FAM219A: variants seen among roughly 807,000 people sequenced by gnomAD.
FAM219A encodes family with sequence similarity 219 member A.
FAM219A carries 7 observed loss-of-function variants against 23.4 expected under a neutral mutation model. The ratio of observed to expected loss-of-function variants is 0.30; its 90% confidence interval spans 0.17 to 0.56. The LOEUF (loss-of-function observed/expected upper bound fraction) is 0.56, where lower values mean the gene tolerates loss of function less well. Ranked by LOEUF, FAM219A falls within the 20% of genes least tolerant of loss-of-function variation. FAM219A has a pLI of 0.92. For missense variants in FAM219A, 166 were observed against 246.9 expected (o/e 0.67, Z 2.20); for synonymous variants, 93 against 99.0 (o/e 0.94, Z 0.36).
rs746037858 is a variant in FAM219A at position 34,457,186 on chromosome 9, A to G, written c.60+1018T>C. ...ATTCCAGCTCAGGCTCCAGGGGGAT[A>G]AAGCGAACACAGCCTAGACATTCCC... is the stretch of plus-strand genomic sequence containing the variant. On this transcript the variant is annotated intron_variant, in intron 1 of 5. Transcript: ENST00000651358. This position sits in a 1 kb window ranked among gnomAD's most constrained non-coding sequence, Gnocchi z 5.1. Among the ~76,000 whole-genome samples the G allele has an allele frequency of 1.3e-5, 2 of 152,200 alleles. No homozygotes were observed. Among genetic ancestry groups the G allele is most frequent in the Non-Finnish European group, 2.9e-5 (2 of 68,030 alleles).
At chr9:34,451,797 T>A (rs1367017028) in intron 1 of FAM219A, among the ~76,000 whole-genome samples, 1 of 152,178 alleles carries the variant, frequency 6.6e-6, no homozygotes, top group African/African-American at 2.4e-5. Context: ...TTCTGCTCCT[T>A]TGGTACACCT....
At chr9:34,412,621 G>A (rs1421377326) in intron 1 of FAM219A, among the ~76,000 whole-genome samples, 2 of 146,638 alleles carry the variant, frequency 1.4e-5, no homozygotes, top group South Asian at 2.1e-4. Context: ...AAAAACCAAG[G>A]GTGAAGTTCT....
At chr9:34,432,014 C>T (rs528740615) in intron 1 of FAM219A, among the ~76,000 whole-genome samples, 101 of 152,342 alleles carry the variant, frequency 6.6e-4, no homozygotes, top group African/African-American at 2.2e-3. Flanking sequence ...TTTCTAATCT[C>T]TCTGGGTCTC....
chr9:34,435,203 G>C (rs1822857745), intron 1 of FAM219A, among the ~76,000 whole-genome samples: 1 of 152,188 alleles, frequency 6.6e-6, no homozygotes, highest in Non-Finnish European at 1.5e-5. Flanking sequence ...AAGGAATTGG[G>C]AAGATGTGAG....
At chr9:34,456,546 T>G (rs1353776151) in intron 1 of FAM219A, among the ~76,000 whole-genome samples, 2 of 152,236 alleles carry the variant, frequency 1.3e-5, no homozygotes, top group Non-Finnish European at 2.9e-5. Flanking sequence ...TCATCCACCC[T>G]CTATTTTGAT....
intron 1 of FAM219A, among the ~76,000 whole-genome samples, chr9:34,447,101 T>G (rs1190731527): frequency 6.6e-6 from 1 of 152,224 alleles, no homozygotes; most frequent in Non-Finnish European, 1.5e-5. Flanking sequence ...GCTACCTTTC[T>G]GAGAATAAGA....
chr9:34,419,126 GTAACTT>G (rs924221944), intron 1 of FAM219A, among the ~76,000 whole-genome samples: 1 of 152,014 alleles, frequency 6.6e-6, no homozygotes, highest in Admixed American at 6.6e-5. Context: ...GGTTAAAATG[GTAACTT>G]TTATGTTATG....
At chr9:34,449,867 GA>G (rs1351928371) in intron 1 of FAM219A, among the ~76,000 whole-genome samples, 1 of 152,182 alleles carries the variant, frequency 6.6e-6, no homozygotes, top group Non-Finnish European at 1.5e-5. Flanking sequence ...CTTTCCCAAA[GA>G]AATTTTTCTA....
chr9:34,437,975 T>G (rs1418265152), intron 1 of FAM219A, among the ~76,000 whole-genome samples: 1 of 152,188 alleles, frequency 6.6e-6, no homozygotes, highest in African/African-American at 2.4e-5. Context: ...GCGGGCCACC[T>G]GGAGTTCCGA....
At chr9:34,416,382 T>C (rs750949699) in intron 1 of FAM219A, among the ~76,000 whole-genome samples, 1 of 151,978 alleles carries the variant, frequency 6.6e-6, no homozygotes, top group African/African-American at 2.4e-5. Flanking sequence ...CTGTTCTCTT[T>C]CTTAGCTTCA....
At chr9:34,455,361 C>G (rs1401186773) in intron 1 of FAM219A, among the ~76,000 whole-genome samples, 1 of 151,988 alleles carries the variant, frequency 6.6e-6, no homozygotes, top group Non-Finnish European at 1.5e-5. Context: ...TAGGTCATAG[C>G]TAAGTCTGAG....
rs1823844018 is a variant in FAM219A, at chr9:34,458,332, CGGCCCCAGGAGCCCGGCGG to C, written c.-88_-70del. 1 of 1,167,918 alleles carries C rather than the reference CGGCCCCAGGAGCCCGGCGG, an allele frequency of 8.6e-7. No individual in the cohort carries two copies. The highest frequency in any genetic ancestry group is 4.0e-5 in the South Asian group (1 of 24,766). The allele number at this position is 1,167,918 out of a possible 1,614,324, so 72.3% of individuals were successfully genotyped here. On this transcript the variant is annotated 5_prime_UTR_variant, in exon 1 of 6. Coordinates refer to ENST00000651358, the MANE Select transcript of FAM219A (RefSeq NM_001184940.2). The surrounding 1 kb of genome is among the most constrained non-coding windows in gnomAD (Gnocchi z 6.6). ...ACGCCGACAGGACCGCGCGGGGCGGCGGCCCCAGGAGCCCGGCGGGTGGTGCAGACTAGGCCTCCCCGGA... is the reference window on the plus strand; with the variant it reads ...ACGCCGACAGGACCGCGCGGGGCGGCGTGGTGCAGACTAGGCCTCCCCGGA...
chr9:34,446,399 G>T (rs1169142845), intron 1 of FAM219A, among the ~76,000 whole-genome samples: 1 of 152,170 alleles, frequency 6.6e-6, no homozygotes, highest in Non-Finnish European at 1.5e-5. Flanking sequence ...AACTAGAAAA[G>T]TGCTGCTTGT....
In FAM219A at chr9:34,457,223, C is replaced by A. The variant is rs1475012917; in HGVS notation, c.60+981G>T. Among the ~76,000 whole-genome samples the A allele has an allele frequency of 6.6e-6, 1 of 152,214 alleles. No individual in the cohort carries two copies. The highest frequency in any genetic ancestry group is 1.5e-5 in the Non-Finnish European group (1 of 68,026). ...GCCTAGACATTCCCTCTCTTCCCCC[C>A]TCACTATACGAGCTGGCTAGGCCTC... On this transcript the variant is annotated intron_variant, in intron 1 of 5. Coordinates refer to ENST00000651358, the MANE Select transcript of FAM219A (RefSeq NM_001184940.2). This position sits in a 1 kb window ranked among gnomAD's most constrained non-coding sequence, Gnocchi z 5.1.
At chr9:34,416,808 ATTTTTTTTT>A (rs781741211) in intron 1 of FAM219A, among the ~76,000 whole-genome samples, 1 of 113,640 alleles carries the variant, frequency 8.8e-6, no homozygotes, top group Non-Finnish European at 1.7e-5. Flanking sequence ...TCAGCTCTCC[ATTTTTTTTT>A]TTTTTTTTTT....
At position 34,450,546 on chromosome 9, in the gene FAM219A, G is replaced by C. The variant is rs548558139; in HGVS notation, c.60+7658C>G. On this transcript the variant is annotated intron_variant, in intron 1 of 5. Coordinates refer to ENST00000651358, the MANE Select transcript of FAM219A (RefSeq NM_001184940.2). The stretch of plus-strand genomic sequence containing the variant: ...GCAATTTTCTGCCTCAGCCTCCCGA[G>C]TAGCTGGGATTACAGGTGGCCACCA... Among the ~76,000 whole-genome samples, 6 of 152,060 alleles carry C rather than the reference G, an allele frequency of 3.9e-5. No individual in the cohort carries two copies. In the East Asian group the frequency reaches 1.2e-3, roughly 30 times the overall value.
chr9:34,417,203 T>C lies in FAM219A; in HGVS notation c.61-11239A>G, dbSNP rs1223201092. Among the ~76,000 whole-genome samples, 6 of 151,980 alleles carry C rather than the reference T, an allele frequency of 3.9e-5. No homozygotes were observed. In the East Asian group the frequency reaches 1.2e-3, roughly 29 times the overall value. Reference sequence around the variant, plus strand: ...CTGGGATTACAGGCATGCACAACCATATCTGGCTAATTTTTGTATTTTTAG... The same window carrying C: ...CTGGGATTACAGGCATGCACAACCACATCTGGCTAATTTTTGTATTTTTAG... On this transcript the variant is annotated intron_variant, in intron 1 of 5. Coordinates refer to ENST00000651358, the MANE Select transcript of FAM219A (RefSeq NM_001184940.2). This position sits in a 1 kb window ranked among gnomAD's most constrained non-coding sequence, Gnocchi z 4.1.
At chr9:34,435,128 A>T (rs1822855580) in intron 1 of FAM219A, among the ~76,000 whole-genome samples, 1 of 152,096 alleles carries the variant, frequency 6.6e-6, no homozygotes, top group Non-Finnish European at 1.5e-5. Flanking sequence ...GCCAGTGTTG[A>T]TGATTTTCTG....
At position 34,458,181 on chromosome 9, in the gene FAM219A, C is replaced by T. The variant is rs1164647652; in HGVS notation, c.60+23G>A. On this transcript the variant is annotated intron_variant, in intron 1 of 5. Transcript: ENST00000651358. This position sits in a 1 kb window ranked among gnomAD's most constrained non-coding sequence, Gnocchi z 6.6. The stretch of plus-strand genomic sequence containing the variant: ...AAGCGACGCCCCCTCCGGCCTTGGC[C>T]TGCCCGCCGCCCGCCCCCTCACCAG... 7 of 1,578,708 alleles carry T rather than the reference C, an allele frequency of 4.4e-6. No homozygotes were observed. The highest frequency in any genetic ancestry group is 1.8e-4 in the Middle Eastern group (1 of 5,512).
Sources: gnomAD v4.1 joint callset for allele counts (sites outside exome capture counted in the v4.1 genomes callset) on GRCh38, gnomAD v4.1.1 for gene constraint, Gnocchi (gnomAD v3.1) non-coding constraint, MANE v1.5 for transcripts, NCBI Gene and HGNC (gene_info 2026-07-23, HGNC 2026-07-21) for gene names.